Variants in SCN4B observed in about 807,000 individuals in gnomAD.
SCN4B encodes the protein sodium voltage-gated channel beta subunit 4.
SCN4B carries 20 observed loss-of-function variants against 19.6 expected under a neutral mutation model. The observed-to-expected ratio is 1.02, with a 90% CI of 0.72 to 1.48. The LOEUF is 1.48. Among genes scored for constraint, SCN4B ranks in the 40% most tolerant of loss-of-function variants. The pLI is 0.00. For missense variants in SCN4B, 271 were observed against 287.5 expected, an observed-to-expected ratio of 0.94 and a Z score of 0.42; for synonymous variants, 127 against 122.8, an observed-to-expected ratio of 1.03 and a Z score of -0.22.
At chr11:118,144,107 T>C (rs1253878501) in intron 2 of SCN4B, 46 bp from the exon 3 acceptor site, 5 of 1,339,900 alleles carry the variant, frequency 3.7e-6, no homozygotes, top group Admixed American at 1.7e-5. Context: ...CGAGAAAGAA[T>C]CGGGGTCCTC....
chr11:118,141,143 G>A, intron 4 of SCN4B, 64 bp downstream of exon 4: 1 of 1,603,222 alleles, frequency 6.2e-7, no homozygotes, highest in Non-Finnish European at 8.5e-7. Flanking sequence ...CTGAAAGCTG[G>A]TGGGGGTAGA....
chr11:118,152,464 C>A, intron 1 of SCN4B, 149 bp downstream of exon 1: 1 of 674,772 alleles, frequency 1.5e-6, no homozygotes. Context: ...ATGAACCAGG[C>A]AGGAACCAGG....
chr11:118,147,957 T>C (rs1948198238), intron 1 of SCN4B, among the ~76,000 whole-genome samples: 1 of 152,208 alleles, frequency 6.6e-6, no homozygotes, highest in African/African-American at 2.4e-5. Flanking sequence ...GAAATCTTAT[T>C]GATTGCTTTA....
rs28675746 is a variant in SCN4B, at chr11:118,136,041, G to T, written c.*986C>A. On this transcript the variant is annotated 3_prime_UTR_variant, in exon 5 of 5. Coordinates refer to ENST00000324727, the MANE Select transcript of SCN4B (RefSeq NM_174934.4). The stretch of plus-strand genomic sequence containing the variant: ...AGGGCGTGATGGAGGGCACGGTGGG[G>T]GGGGGGGAGCGAGCCAATGGGAGGT... 2.9e-4 allele frequency: 126 copies of T among 436,324 alleles called. 2 individuals carry two copies. The highest frequency in any genetic ancestry group is 8.5e-4 in the African/African-American group (42 of 49,458). The allele number at this position is 436,324 out of a possible 1,614,324, so 27.0% of individuals were successfully genotyped here. A position where few individuals can be genotyped will look rare whatever the true frequency, so the allele number is the denominator to read the frequency against.
chr11:118,144,179 A>G, intron 2 of SCN4B, 118 bp from the exon 3 acceptor site: 1 of 734,608 alleles, frequency 1.4e-6, no homozygotes, highest in Non-Finnish European at 2.5e-6. Context: ...GACCAGGAAG[A>G]GCCTGTAGTC....
rs1031063895 is a variant in SCN4B, at chr11:118,141,438, C to G, written c.464-102G>C. The G allele has an allele frequency of 3.4e-6, 5 of 1,454,584 alleles. No individual in the cohort carries two copies. The African/African-American group carries it at 4.2e-5, about 12-fold the overall frequency. The allele number at this position is 1,454,584 out of a possible 1,614,324, so 90.1% of individuals were successfully genotyped here. A position where few individuals can be genotyped will look rare whatever the true frequency, so the allele number is the denominator to read the frequency against. ...TGCAAGGGCCATGTAGCCTCCACCC[C>G]CTGGCATCCGGGGCACATCCACTCC... On this transcript the variant is annotated intron_variant, in intron 3 of 4. Transcript: ENST00000324727.
At chr11:118,149,065 A>G (rs1366173657) in intron 1 of SCN4B, among the ~76,000 whole-genome samples, 2 of 152,194 alleles carry the variant, frequency 1.3e-5, no homozygotes, top group African/African-American at 2.4e-5. Flanking sequence ...GCCCCCTGCC[A>G]TCCTCATCTG....
intron 4 of SCN4B, among the ~76,000 whole-genome samples, chr11:118,137,839 T>C (rs964256421): frequency 6.6e-6 from 1 of 151,542 alleles, no homozygotes; most frequent in African/African-American, 2.4e-5. Flanking sequence ...GGACACAGAG[T>C]CCCTCTCCCC....
intron 1 of SCN4B, 125 bp from the exon 2 acceptor site, chr11:118,145,354 T>G: frequency 6.5e-7 from 1 of 1,543,744 alleles, no homozygotes; most frequent in Non-Finnish European, 8.7e-7. Context: ...AGTGCCAACC[T>G]CGGGAGGATG....
rs148163321 is a variant in SCN4B, at chr11:118,143,897, C to T, written c.399G>A (p.Val133=). The change falls in exon 3 of 5, where the codon GTG becomes GTA. Residue 133 remains valine, a synonymous_variant. Coordinates refer to ENST00000324727, the MANE Select transcript of SCN4B (RefSeq NM_174934.4). ...GGAGATTATTCTCCTTGGGGTTCTT[C>T]ACATGGCAGGTGTATTTGCCCGTGT... The part of the protein sequence containing the change: ...FSDTGKYTCH[V]KNPKENNLQH... The T allele has an allele frequency of 1.2e-6, 2 of 1,613,866 alleles. No homozygotes were observed. The highest frequency in any genetic ancestry group is 1.7e-6 in the Non-Finnish European group (2 of 1,180,022).
At chr11:118,142,915 GA>G (rs1484364745) in intron 3 of SCN4B, 2 of 152,270 alleles carry the variant, frequency 1.3e-5, no homozygotes, top group African/African-American at 4.8e-5. Flanking sequence ...TCCAGGCTCA[GA>G]AAAGCTGATT....
chr11:118,144,189 C>CA (rs1392496655), intron 2 of SCN4B, 128 bp from the exon 3 acceptor site: 8 of 695,508 alleles, frequency 1.2e-5, no homozygotes, highest in Non-Finnish European at 1.8e-5. Flanking sequence ...AGCCTGTAGT[C>CA]ACGCCCTGCT....
intron 1 of SCN4B, among the ~76,000 whole-genome samples, chr11:118,149,514 G>A (rs552364728): frequency 6.6e-6 from 1 of 152,322 alleles, no homozygotes; most frequent in South Asian, 2.1e-4. Flanking sequence ...GGCCAGGTAA[G>A]GCCCCTGGGC....
rs780942320 is a variant in SCN4B at position 118,143,838 on chromosome 11, T to C, written c.458A>G (p.Asp153Gly). ...TGCCAGCCCCTACTGCATACGTCTA[T>C]CAACGACTTGGAGGAAGATGGTGGC... ...HHATIFLQVV[D>G]RLEEVDNTVT... is the part of the protein sequence containing the mutation. The change falls in exon 3 of 5, where the codon GAT becomes GGT. Residue 153 changes from aspartate to glycine, a missense_variant. Transcript: ENST00000324727. The C allele has an allele frequency of 2.2e-5, 35 of 1,611,730 alleles. No individual in the cohort carries two copies. The highest frequency in any genetic ancestry group is 2.9e-5 in the Non-Finnish European group (34 of 1,179,342).
At chr11:118,138,633 C>T (rs901024029) in intron 4 of SCN4B, among the ~76,000 whole-genome samples, 1 of 152,168 alleles carries the variant, frequency 6.6e-6, no homozygotes, top group East Asian at 1.9e-4. Context: ...GTGTCGGAAA[C>T]GTGCACTCTC....
rs886047728 is a variant in SCN4B at position 118,136,538 on chromosome 11, A to C, written c.*489T>G. ...AGTCTCTCACTGTGGGCCTGCCCCC[A>C]TCAGCCCCCACCCCAGGTCTTCTCC... On this transcript the variant is annotated 3_prime_UTR_variant, in exon 5 of 5. Transcript: ENST00000324727. 2.2e-6 allele frequency: 1 copy of C among 453,856 alleles called. No individual in the cohort carries two copies. Among genetic ancestry groups the C allele is most frequent in the Non-Finnish European group, 4.4e-6 (1 of 226,802 alleles). The allele number at this position is 453,856 out of a possible 1,614,324, so 28.1% of individuals were successfully genotyped here.
Position 118,136,896 on chromosome 11 carries a change from G to T in SCN4B, c.*131C>A. 1 of 727,308 alleles carries T rather than the reference G, an allele frequency of 1.4e-6. No individual in the cohort carries two copies. 45.1% of individuals were successfully genotyped at this position (727,308 alleles called of 1,614,324 possible). Reference sequence around the variant, plus strand: ...AGGCTGGGCAGGACTCTGGTTTCTTGTGCCCGGAAAGACTACAGTTTGAGC... The same window carrying T: ...AGGCTGGGCAGGACTCTGGTTTCTTTTGCCCGGAAAGACTACAGTTTGAGC... On this transcript the variant is annotated 3_prime_UTR_variant, in exon 5 of 5. Coordinates refer to ENST00000324727, the MANE Select transcript of SCN4B (RefSeq NM_174934.4).
chr11:118,147,647 G>C lies in SCN4B; in HGVS notation c.62-2418C>G, dbSNP rs375343638. ...ACAAGATCCCACTCTCCAGTCTGCAGCCAGCACTAGAACCTTTTGGTGGGA... is the reference window on the plus strand; with the variant it reads ...ACAAGATCCCACTCTCCAGTCTGCACCCAGCACTAGAACCTTTTGGTGGGA... On this transcript the variant is annotated intron_variant, in intron 1 of 4. Coordinates refer to ENST00000324727, the MANE Select transcript of SCN4B (RefSeq NM_174934.4). Among the ~76,000 whole-genome samples the C allele has an allele frequency of 1.8e-4, 28 of 152,326 alleles. 1 individual carries two copies. The East Asian group carries it at 4.6e-3, about 25-fold the overall frequency.
At position 118,144,944 on chromosome 11, in the gene SCN4B, G is replaced by T. The variant is rs192370760; in HGVS notation, c.234+113C>A. The T allele has an allele frequency of 7.0e-4, 717 of 1,029,630 alleles. 6 individuals are homozygous for T. In the African/African-American group the frequency reaches 9.9e-3, roughly 14 times the overall value. The allele number at this position is 1,029,630 out of a possible 1,614,324, so 63.8% of individuals were successfully genotyped here. A position where few individuals can be genotyped will look rare whatever the true frequency, so the allele number is the denominator to read the frequency against. ...AATACTGGGAGAAAGGGTGGCAAAA[G>T]GTGGGTTCTGGGGACCATCGCAGTG... is the stretch of plus-strand genomic sequence containing the variant. On this transcript the variant is annotated intron_variant, in intron 2 of 4. Coordinates refer to ENST00000324727, the MANE Select transcript of SCN4B (RefSeq NM_174934.4).
Sources: allele counts gnomAD v4.1 joint callset (sites outside exome capture counted in the v4.1 genomes callset), GRCh38; gene constraint gnomAD v4.1.1; transcripts MANE v1.5; gene names NCBI Gene and HGNC (gene_info 2026-07-23, HGNC 2026-07-21).